Variants in SOX6 observed in about 807,000 individuals in gnomAD.
The protein encoded by SOX6 is SRY-box transcription factor 6.
SOX6 carries 11 observed loss-of-function variants against 97.8 expected under a neutral mutation model. The observed-to-expected ratio is 0.11, with a 90% CI of 0.07 to 0.19. SOX6 has a LOEUF of 0.19. Ranked by LOEUF, SOX6 falls within the 10% of genes least tolerant of loss-of-function variation. SOX6 has a pLI of 1.00. For synonymous variants in SOX6, 360 were observed against 371.4 expected (o/e 0.97, Z 0.35); for missense variants, 810 against 1,039.5 (o/e 0.78, Z 3.04).
At chr11:16,522,860 A>G (rs1338653973) in intron 4 of SOX6, among the ~76,000 whole-genome samples, 1 of 152,234 alleles carries the variant, frequency 6.6e-6, no homozygotes, top group Non-Finnish European at 1.5e-5. Context: ...ACTTTAAACC[A>G]ACAAAGATCA....
chr11:15,976,406 G>A (rs1217857967), intron 15 of SOX6, among the ~76,000 whole-genome samples: 1 of 152,178 alleles, frequency 6.6e-6, no homozygotes, highest in Non-Finnish European at 1.5e-5. Flanking sequence ...GGACTGTGAA[G>A]ATTAAGTAAG....
chr11:16,127,356 C>T (rs188320465), intron 6 of SOX6, among the ~76,000 whole-genome samples: 7 of 152,070 alleles, frequency 4.6e-5, no homozygotes, highest in Non-Finnish European at 7.4e-5. Context: ...CTCTAGCATT[C>T]TGAATATACT....
intron 1 of SOX6, among the ~76,000 whole-genome samples, chr11:16,386,614 T>A (rs1322275570): frequency 6.6e-6 from 1 of 152,110 alleles, no homozygotes; most frequent in African/African-American, 2.4e-5. Context: ...TATCTGTTCT[T>A]AGAGCTTGCA....
At chr11:16,591,614 T>G (rs1478429324) in intron 4 of SOX6, among the ~76,000 whole-genome samples, 2 of 152,244 alleles carry the variant, frequency 1.3e-5, no homozygotes, top group Admixed American at 6.5e-5. Context: ...ATTTTCAATT[T>G]AAAAATTGGT....
At chr11:16,630,883 T>C (rs1298026826) in intron 3 of SOX6, among the ~76,000 whole-genome samples, 4 of 152,192 alleles carry the variant, frequency 2.6e-5, no homozygotes, top group African/African-American at 7.2e-5. Flanking sequence ...AAGTCTGTTT[T>C]ATCTGATGTA....
intron 7 of SOX6, among the ~76,000 whole-genome samples, chr11:16,099,172 T>C (rs776928108): frequency 2.6e-5 from 4 of 151,798 alleles, no homozygotes; most frequent in Non-Finnish European, 5.9e-5. Flanking sequence ...TATGGAGTAA[T>C]GTTCAAAATA....
intron 1 of SOX6, among the ~76,000 whole-genome samples, chr11:16,431,006 G>C (rs1189107706): frequency 6.6e-6 from 1 of 152,070 alleles, no homozygotes; most frequent in African/African-American, 2.4e-5. Flanking sequence ...CCTCCTTACT[G>C]TTACTATTCT....
rs532841455 is a variant in SOX6, at chr11:16,010,093, C to T, written c.1732+4849G>A. 2.2e-5 allele frequency among the ~76,000 whole-genome samples: 3 copies of T among 139,074 alleles called. No homozygotes were observed. The East Asian group carries it at 7.2e-4, about 33-fold the overall frequency. The allele number at this position is 139,074 out of a possible 152,430, so 91.2% of individuals were successfully genotyped here. On this transcript the variant is annotated intron_variant, in intron 13 of 15. Transcript: ENST00000683767. ...CTTAAGCCGAAAATAAAAAAAATAT[C>T]CTGAGATATAAAACTTAGAAGCAGT...
At chr11:15,977,265 C>T (rs549062739) in intron 15 of SOX6, among the ~76,000 whole-genome samples, 1 of 152,252 alleles carries the variant, frequency 6.6e-6, no homozygotes, top group Admixed American at 6.5e-5. Context: ...GACCTCCCCG[C>T]CACTGTGATA....
Position 16,605,709 on chromosome 11 carries a change from T to TA in SOX6, n.609+6371dup, listed in dbSNP as rs1374360114. Among the ~76,000 whole-genome samples the TA allele has an allele frequency of 6.6e-6, 1 of 151,824 alleles. No homozygotes were observed. The highest frequency in any genetic ancestry group is 1.5e-5 in the Non-Finnish European group (1 of 67,978). On this transcript the variant is annotated intron_variant and non_coding_transcript_variant, in intron 4 of 5. Coordinates refer to the SOX6 transcript ENST00000524520. The surrounding 1 kb of genome is among the most constrained non-coding windows in gnomAD (Gnocchi z 5.3). ...ACCAGTGTCAACCCCACAAACAGCC[T>TA]AAGTTTCCAAACCGAAATGGGGGTG...
intron 4 of SOX6, among the ~76,000 whole-genome samples, chr11:16,523,597 T>A (rs984666090): frequency 3.3e-5 from 5 of 151,624 alleles, no homozygotes; most frequent in African/African-American, 7.3e-5. Context: ...GCAAACACAT[T>A]CAAAAGCTAG....
intron 15 of SOX6, among the ~76,000 whole-genome samples, chr11:15,978,947 C>T (rs1853580039): frequency 7.8e-6 from 1 of 128,110 alleles, no homozygotes; most frequent in Non-Finnish European, 1.6e-5. Flanking sequence ...ATAAAATAAG[C>T]ATATATAATG....
At chr11:16,725,943 T>C (rs541244982) in intron 2 of SOX6, among the ~76,000 whole-genome samples, 10 of 152,340 alleles carry the variant, frequency 6.6e-5, no homozygotes, top group African/African-American at 2.4e-4. Flanking sequence ...AAGTTAATTG[T>C]TTTAAATTGT....
rs1455191154 is a variant in SOX6 at position 16,605,485 on chromosome 11, G to T, written n.609+6596C>A. Among the ~76,000 whole-genome samples the T allele has an allele frequency of 6.6e-6, 1 of 152,164 alleles. No individual in the cohort carries two copies. The highest frequency in any genetic ancestry group is 1.5e-5 in the Non-Finnish European group (1 of 68,020). Reference sequence around the variant, plus strand: ...TGTCCAAAAACGGGGGGAGGGGGAAGGAAGGGCGACAAGCGGAGGGAGCTG... The same window carrying T: ...TGTCCAAAAACGGGGGGAGGGGGAATGAAGGGCGACAAGCGGAGGGAGCTG... On this transcript the variant is annotated intron_variant and non_coding_transcript_variant, in intron 4 of 5. Transcript: ENST00000524520. This position sits in a 1 kb window ranked among gnomAD's most constrained non-coding sequence, Gnocchi z 5.3.
chr11:16,407,610 C>T (rs1283512034), intron 1 of SOX6, among the ~76,000 whole-genome samples: 1 of 152,108 alleles, frequency 6.6e-6, no homozygotes, highest in Non-Finnish European at 1.5e-5. Context: ...GAATTCCTAA[C>T]CCTTGTGGCA....
At chr11:16,630,698 C>T (rs963840028) in intron 3 of SOX6, among the ~76,000 whole-genome samples, 1 of 152,144 alleles carries the variant, frequency 6.6e-6, no homozygotes, top group African/African-American at 2.4e-5. Context: ...AAGTTCCCCA[C>T]TATTATTGTG....
chr11:16,083,658 AC>A (rs976108329), intron 9 of SOX6, among the ~76,000 whole-genome samples: 30 of 152,122 alleles, frequency 2.0e-4, no homozygotes, highest in African/African-American at 7.0e-4. Flanking sequence ...ATACATCTAA[AC>A]CAGGCCACAG....
chr11:16,449,753 T>A (rs1859685987), intron 1 of SOX6, among the ~76,000 whole-genome samples: 1 of 152,140 alleles, frequency 6.6e-6, no homozygotes, highest in Admixed American at 6.5e-5. Context: ...TATCAGTAAG[T>A]CCTCCTTTCC....
chr11:16,734,613 C>G (rs911164144), intron 2 of SOX6, among the ~76,000 whole-genome samples: 3 of 152,174 alleles, frequency 2.0e-5, no homozygotes, highest in Non-Finnish European at 4.4e-5. Context: ...GTTTATTGCT[C>G]TCTCCTAACT....
Sources: gnomAD v4.1 joint callset for allele counts (sites outside exome capture counted in the v4.1 genomes callset) on GRCh38, gnomAD v4.1.1 for gene constraint, Gnocchi (gnomAD v3.1) non-coding constraint, MANE v1.5 for transcripts, NCBI Gene and HGNC (gene_info 2026-07-23, HGNC 2026-07-21) for gene names.